Variants in TMEM178B observed in about 807,000 individuals in gnomAD.
The protein encoded by TMEM178B is transmembrane protein 178B.
A neutral mutation model predicts 31.0 loss-of-function variants in TMEM178B; 5 were observed. The observed-to-expected ratio is 0.16, with a 90% CI of 0.08 to 0.34. TMEM178B has a LOEUF of 0.34. Among genes scored for constraint, TMEM178B ranks in the 10% least tolerant of loss-of-function variants. TMEM178B has a pLI of 1.00. For missense variants in TMEM178B, 275 were observed against 400.3 expected (o/e 0.69, Z 2.67); for synonymous variants, 164 against 164.0 (o/e 1.00, Z 0.00).
chr7:141,297,625 C>T lies in TMEM178B; in HGVS notation c.496+84921C>T, dbSNP rs1460792476. Among the ~76,000 whole-genome samples the T allele has an allele frequency of 8.6e-5, 13 of 151,818 alleles. No individual in the cohort carries two copies. In the South Asian group the frequency reaches 1.9e-3, roughly 22 times the overall value. ...TGTGGTGTTTGTTTTTCTGTCCTTGCGATAGTTTGCTGAGAATGATGGTTT... is the reference window on the plus strand; with the variant it reads ...TGTGGTGTTTGTTTTTCTGTCCTTGTGATAGTTTGCTGAGAATGATGGTTT... On this transcript the variant is annotated intron_variant, in intron 2 of 3. Transcript: ENST00000565468.
Position 141,456,016 on chromosome 7 carries a change from C to T in TMEM178B, c.635-14520C>T, listed in dbSNP as rs540662568. The stretch of plus-strand genomic sequence containing the variant: ...TTCCAGACACTTAAACAGCTGGGGC[C>T]CAATCCTTCCATGCTTAGAATCAAG... On this transcript the variant is annotated intron_variant, in intron 3 of 3. Coordinates refer to ENST00000565468, the MANE Select transcript of TMEM178B (RefSeq NM_001195278.2). Among the ~76,000 whole-genome samples the T allele has an allele frequency of 3.9e-5, 6 of 152,334 alleles. No individual in the cohort carries two copies. In the South Asian group the frequency reaches 1.2e-3, roughly 32 times the overall value.
Position 141,477,290 on chromosome 7 carries a change from A to G in TMEM178B, c.*6504A>G, listed in dbSNP as rs1802390362. On this transcript the variant is annotated 3_prime_UTR_variant, in exon 4 of 4. Coordinates refer to ENST00000565468, the MANE Select transcript of TMEM178B (RefSeq NM_001195278.2). ...GTACAAATAAAAGTGAAAACTGAAAATAAAGGGGAGGGAGATTGAGATTAA... is the reference window on the plus strand; with the variant it reads ...GTACAAATAAAAGTGAAAACTGAAAGTAAAGGGGAGGGAGATTGAGATTAA... The G allele has an allele frequency of 6.5e-6, 1 of 154,808 alleles. No individual in the cohort carries two copies. Among genetic ancestry groups the G allele is most frequent in the Admixed American group, 6.5e-5 (1 of 15,290 alleles). The allele number at this position is 154,808 out of a possible 1,614,324, so 9.6% of individuals were successfully genotyped here.
chr7:141,118,178 C>T (rs953831332), intron 1 of TMEM178B, among the ~76,000 whole-genome samples: 8 of 152,156 alleles, frequency 5.3e-5, no homozygotes, highest in Non-Finnish European at 7.3e-5. Flanking sequence ...CCCACAGTGG[C>T]CCCAGCTCTT....
chr7:141,241,045 T>C (rs1406517936), intron 2 of TMEM178B, among the ~76,000 whole-genome samples: 1 of 151,882 alleles, frequency 6.6e-6, no homozygotes, highest in African/African-American at 2.4e-5. Flanking sequence ...GTACAAGCGT[T>C]TTTTTTTGTT....
chr7:141,244,295 GTATTAAGTAC>G (rs1353785872), intron 2 of TMEM178B, among the ~76,000 whole-genome samples: 1 of 152,182 alleles, frequency 6.6e-6, no homozygotes, highest in East Asian at 1.9e-4. Flanking sequence ...AAGCAGTGTT[GTATTAAGTAC>G]CCAAATGATA....
At chr7:141,433,071 G>T (rs955144452) in intron 2 of TMEM178B, among the ~76,000 whole-genome samples, 1 of 152,172 alleles carries the variant, frequency 6.6e-6, no homozygotes, top group Non-Finnish European at 1.5e-5. Flanking sequence ...CTCCATCAGG[G>T]TGCTGTAGTG....
At position 141,075,178 on chromosome 7, in the gene TMEM178B, G is replaced by A. The variant is rs1269071373; in HGVS notation, c.382+486G>A. Among the ~76,000 whole-genome samples, 6 of 152,272 alleles carry A rather than the reference G, an allele frequency of 3.9e-5. No individual in the cohort carries two copies. The East Asian group carries it at 1.2e-3, about 29-fold the overall frequency. On this transcript the variant is annotated intron_variant, in intron 1 of 3. Coordinates refer to ENST00000565468, the MANE Select transcript of TMEM178B (RefSeq NM_001195278.2). ...AGCGCTATACTATACCAGATATGGTGTAGGCACTGGTCATATAAACATCAA... is the reference window on the plus strand; with the variant it reads ...AGCGCTATACTATACCAGATATGGTATAGGCACTGGTCATATAAACATCAA...
At chr7:141,460,838 C>G (rs1234131930) in intron 3 of TMEM178B, among the ~76,000 whole-genome samples, 3 of 152,186 alleles carry the variant, frequency 2.0e-5, no homozygotes, top group Non-Finnish European at 4.4e-5. Context: ...ACTCAGAGCC[C>G]CATCCCACTC....
At chr7:141,279,952 C>G (rs574553862) in intron 2 of TMEM178B, among the ~76,000 whole-genome samples, 3 of 152,362 alleles carry the variant, frequency 2.0e-5, no homozygotes, top group Admixed American at 2.0e-4. Flanking sequence ...CTTTCAGTTG[C>G]AAGTGACAGA....
chr7:141,403,752 G>T (rs796789213), intron 2 of TMEM178B, among the ~76,000 whole-genome samples: 38 of 152,280 alleles, frequency 2.5e-4, no homozygotes, highest in African/African-American at 9.1e-4. Flanking sequence ...GAAAATTCCT[G>T]TCCCTGGCAA....
intron 1 of TMEM178B, among the ~76,000 whole-genome samples, chr7:141,162,102 G>C (rs1349464742): frequency 6.6e-6 from 1 of 152,154 alleles, no homozygotes; most frequent in East Asian, 1.9e-4. Flanking sequence ...TCCACCTGCA[G>C]GGCTTGGCCA....
the TMEM178B span, among the ~76,000 whole-genome samples, chr7:141,502,341 G>A: frequency 7.2e-6 from 1 of 139,660 alleles, no homozygotes; most frequent in Non-Finnish European, 1.5e-5. Context: ...ATAGAACAGA[G>A]CCAGCTTTAA....
rs145739845 is a variant in TMEM178B at position 141,180,973 on chromosome 7, C to T, written c.383-31618C>T. 5.9e-4 allele frequency among the ~76,000 whole-genome samples: 90 copies of T among 152,266 alleles called. No homozygotes were observed. The East Asian group carries it at 6.6e-3, about 11-fold the overall frequency. ...TTCCATCAACATCCATTCATCCATC[C>T]TCCTCCCCACCCATCCATCCACCCA... On this transcript the variant is annotated intron_variant, in intron 1 of 3. Transcript: ENST00000565468.
chr7:141,097,879 C>T (rs569414915), intron 1 of TMEM178B, among the ~76,000 whole-genome samples: 1 of 149,514 alleles, frequency 6.7e-6, no homozygotes, highest in Non-Finnish European at 1.5e-5. Context: ...GCAGCTTCGA[C>T]CTCCCTGGTT....
At chr7:141,164,445 A>G (rs1279263003) in intron 1 of TMEM178B, among the ~76,000 whole-genome samples, 2 of 152,112 alleles carry the variant, frequency 1.3e-5, no homozygotes, top group Non-Finnish European at 2.9e-5. Context: ...CCAGTGGAGG[A>G]AGCTGGACTG....
downstream of TMEM178B, among the ~76,000 whole-genome samples, chr7:141,483,670 C>T (rs187794253): frequency 2.7e-5 from 4 of 148,618 alleles, no homozygotes; most frequent in East Asian, 8.2e-4. Context: ...AACTGTTAGC[C>T]TCCCTTCACC....
intron 1 of TMEM178B, among the ~76,000 whole-genome samples, chr7:141,124,871 A>G (rs962233566): frequency 2.0e-5 from 3 of 152,306 alleles, no homozygotes; most frequent in Admixed American, 2.0e-4. Flanking sequence ...ATTACCCATC[A>G]CTTTCCTCCT....
intron 1 of TMEM178B, among the ~76,000 whole-genome samples, chr7:141,101,516 A>G (rs1795056466): frequency 6.6e-6 from 1 of 152,230 alleles, no homozygotes; most frequent in Non-Finnish European, 1.5e-5. Context: ...CAGTGTGTTA[A>G]GCTACTCTGA....
intron 2 of TMEM178B, among the ~76,000 whole-genome samples, chr7:141,390,538 G>A (rs955858715): frequency 3.3e-5 from 5 of 152,192 alleles, no homozygotes; most frequent in South Asian, 2.1e-4. Flanking sequence ...TCCAGGGGCC[G>A]CCTGGTATCC....
Sources: allele counts gnomAD v4.1 joint callset (sites outside exome capture counted in the v4.1 genomes callset), GRCh38; gene constraint gnomAD v4.1.1; transcripts MANE v1.5; gene names NCBI Gene and HGNC (gene_info 2026-07-23, HGNC 2026-07-21).